Variants in NUDT9 observed in about 807,000 individuals in gnomAD.
NUDT9 encodes nudix hydrolase 9.
Under a neutral mutation model 41.0 loss-of-function variants are expected in NUDT9, and 31 were observed. The observed-to-expected ratio is 0.76, with a 90% CI of 0.57 to 1.02. The LOEUF is 1.02. Among genes scored for constraint, NUDT9 ranks in the 50% least tolerant of loss-of-function variants. The pLI, the probability that NUDT9 is intolerant of heterozygous loss-of-function variation, is 0.00. For missense variants in NUDT9, 380 were observed against 431.4 expected, an observed-to-expected ratio of 0.88 and a Z score of 1.06; for synonymous variants, 146 against 147.6, an observed-to-expected ratio of 0.99 and a Z score of 0.08.
chr4:87,423,127 A>G, intron 1 of NUDT9, 115 bp downstream of exon 1: 1 of 638,258 alleles, frequency 1.6e-6, no homozygotes, highest in Non-Finnish European at 2.6e-6. Context: ...GGGTTTTTAT[A>G]GTCATATACA....
intron 1 of NUDT9, among the ~76,000 whole-genome samples, chr4:87,432,898 T>C (rs971801039): frequency 6.6e-6 from 1 of 152,180 alleles, no homozygotes; most frequent in African/African-American, 2.4e-5. Flanking sequence ...TGTTGAATTC[T>C]GTTTGTTATT....
rs1328148255 is a variant in NUDT9 at position 87,422,892 on chromosome 4, C to T, written c.-14C>T. On this transcript the variant is annotated 5_prime_UTR_variant, in exon 1 of 8. Transcript: ENST00000302174. ...AGAGCGACCTAGCATCGCAAAGCCGCCCTCGGGGCGCTCATGGCGGGACGC... is the reference window on the plus strand; with the variant it reads ...AGAGCGACCTAGCATCGCAAAGCCGTCCTCGGGGCGCTCATGGCGGGACGC... 6.2e-7 allele frequency: 1 copy of T among 1,605,662 alleles called. No homozygotes were observed. The highest frequency in any genetic ancestry group is 1.3e-5 in the African/African-American group (1 of 74,760).
chr4:87,427,275 T>G (rs1721472058), intron 1 of NUDT9, among the ~76,000 whole-genome samples: 6 of 152,230 alleles, frequency 3.9e-5, no homozygotes, highest in Admixed American at 3.9e-4. Flanking sequence ...CAGATTTTAT[T>G]TCAAAGCACC....
intron 1 of NUDT9, among the ~76,000 whole-genome samples, chr4:87,424,446 A>T (rs542646980): frequency 6.6e-6 from 1 of 151,890 alleles, no homozygotes; most frequent in South Asian, 2.1e-4. Flanking sequence ...TTTAGTAGAG[A>T]CAGGGTTTCA....
intron 1 of NUDT9, 87 bp downstream of exon 1, chr4:87,423,099 G>A (rs1578061282): frequency 1.1e-6 from 1 of 935,578 alleles, no homozygotes; most frequent in East Asian, 2.7e-5. Context: ...GTATTCTGTA[G>A]GCTTTGCTTT....
chr4:87,427,036 C>T (rs944400642), intron 1 of NUDT9, among the ~76,000 whole-genome samples: 4 of 148,522 alleles, frequency 2.7e-5, no homozygotes, highest in African/African-American at 1.0e-4. Flanking sequence ...AGGAGGATTG[C>T]TTGAGCCTGG....
intron 1 of NUDT9, among the ~76,000 whole-genome samples, chr4:87,425,139 T>G (rs139631777): frequency 5.1e-4 from 78 of 152,076 alleles, no homozygotes; most frequent in African/African-American, 1.7e-3. Flanking sequence ...GAGGATCGTG[T>G]GAGGCCAGGA....
chr4:87,453,463 C>G (rs1722843767), intron 6 of NUDT9, among the ~76,000 whole-genome samples: 1 of 151,858 alleles, frequency 6.6e-6, no homozygotes, highest in Non-Finnish European at 1.5e-5. Flanking sequence ...CAGTGTCTGG[C>G]TCTGTCACCA....
intron 5 of NUDT9, among the ~76,000 whole-genome samples, chr4:87,450,111 C>T (rs1272800831): frequency 1.3e-5 from 2 of 152,098 alleles, no homozygotes; most frequent in Non-Finnish European, 2.9e-5. Flanking sequence ...AATCTGCCTG[C>T]CCCGGGGCCT....
chr4:87,428,466 T>G (rs2110159848), intron 1 of NUDT9, among the ~76,000 whole-genome samples: 1 of 152,340 alleles, frequency 6.6e-6, no homozygotes, highest in East Asian at 1.9e-4. Context: ...TGCCAAAACT[T>G]GGAAGCAACC....
At chr4:87,430,566 A>G (rs1721643216) in intron 1 of NUDT9, among the ~76,000 whole-genome samples, 1 of 152,208 alleles carries the variant, frequency 6.6e-6, no homozygotes, top group Non-Finnish European at 1.5e-5. Flanking sequence ...TATTGCAAGT[A>G]AATTTCTCCA....
chr4:87,449,396 C>T, intron 5 of NUDT9, 143 bp downstream of exon 5: 1 of 577,810 alleles, frequency 1.7e-6, no homozygotes. Flanking sequence ...TTCATCCCTG[C>T]ATGAAGTGTC....
At chr4:87,430,785 T>C (rs939419884) in intron 1 of NUDT9, among the ~76,000 whole-genome samples, 5 of 152,118 alleles carry the variant, frequency 3.3e-5, no homozygotes, top group African/African-American at 1.2e-4. Flanking sequence ...TTGGGTTGTT[T>C]TGTTGTTGTT....
At chr4:87,434,864 C>T (rs1721848140) in intron 1 of NUDT9, 117 bp from the exon 2 acceptor site, 12 of 820,974 alleles carry the variant, frequency 1.5e-5, no homozygotes, top group Non-Finnish European at 1.1e-5. Flanking sequence ...GGTGATCCAC[C>T]TACCTCGGCC....
intron 2 of NUDT9, among the ~76,000 whole-genome samples, chr4:87,435,826 CTATA>C: frequency 6.6e-6 from 1 of 151,998 alleles, no homozygotes; most frequent in Non-Finnish European, 1.5e-5. Context: ...TGACAAGTAA[CTATA>C]TATATTTAAG....
At chr4:87,451,820 T>G (rs1389986282) in intron 6 of NUDT9, 85 bp downstream of exon 6, 1 of 1,138,020 alleles carries the variant, frequency 8.8e-7, no homozygotes, top group Non-Finnish European at 1.3e-6. Flanking sequence ...CTGTATGTCC[T>G]TCTCTAAATA....
intron 4 of NUDT9, among the ~76,000 whole-genome samples, chr4:87,442,199 GCTATAGC>G (rs1442183187): frequency 6.6e-6 from 1 of 152,218 alleles, no homozygotes; most frequent in Non-Finnish European, 1.5e-5. Flanking sequence ...TATGCCATAT[GCTATAGC>G]CTATTGCTCT....
Position 87,454,460 on chromosome 4 carries a change from C to A in NUDT9, c.874+5C>A. ...TGAACTACCATGACGAAACAGGTAA[C>A]TTTATATTTATTAAACTGGCTGGGA... On this transcript the variant is annotated splice_donor_5th_base_variant and intron_variant, in intron 7 of 7. Coordinates refer to ENST00000302174, the MANE Select transcript of NUDT9 (RefSeq NM_024047.5). 1 of 1,573,836 alleles carries A rather than the reference C, an allele frequency of 6.4e-7. No homozygotes were observed. Among genetic ancestry groups the A allele is most frequent in the Non-Finnish European group, 8.7e-7 (1 of 1,143,416 alleles).
At position 87,422,901 on chromosome 4, in the gene NUDT9, C is replaced by G. The variant is rs558384960; in HGVS notation, c.-5C>G. ...TAGCATCGCAAAGCCGCCCTCGGGG[C>G]GCTCATGGCGGGACGCCTCCTGGGA... On this transcript the variant is annotated 5_prime_UTR_variant, in exon 1 of 8. Coordinates refer to ENST00000302174, the MANE Select transcript of NUDT9 (RefSeq NM_024047.5). 1 of 1,607,996 alleles carries G rather than the reference C, an allele frequency of 6.2e-7. No individual in the cohort carries two copies. Among genetic ancestry groups the G allele is most frequent in the Admixed American group, 1.7e-5 (1 of 59,804 alleles).
Sources: gnomAD v4.1 joint callset for allele counts (sites outside exome capture counted in the v4.1 genomes callset) on GRCh38, gnomAD v4.1.1 for gene constraint, MANE v1.5 for transcripts, NCBI Gene and HGNC (gene_info 2026-07-23, HGNC 2026-07-21) for gene names.